Variants in DHRS11 observed in about 807,000 individuals in gnomAD.
DHRS11 encodes the protein dehydrogenase/reductase SDR family member 11.
In DHRS11, 18 loss-of-function variants were observed where a neutral mutation model predicts 30.7. The ratio of observed to expected loss-of-function variants is 0.59; its 90% CI spans 0.41 to 0.87. The LOEUF is 0.87. Among genes scored for constraint, DHRS11 ranks in the 40% least tolerant of loss-of-function variants. DHRS11 has a pLI of 0.00. For synonymous variants in DHRS11, 123 were observed against 139.6 expected (o/e 0.88, Z 0.84); for missense variants, 300 against 349.0 (o/e 0.86, Z 1.12).
At chr17:36,599,939 C>T (rs2074844012) in intron 5 of DHRS11, 33 bp from the exon 6 acceptor site, 1 of 1,611,328 alleles carries the variant, frequency 6.2e-7, no homozygotes, top group South Asian at 1.1e-5. Context: ...TCCATTCTGT[C>T]CTTGTCTCAA....
intron 4 of DHRS11, 154 bp downstream of exon 4, chr17:36,599,204 C>A: frequency 8.7e-7 from 1 of 1,150,388 alleles, no homozygotes; most frequent in Non-Finnish European, 1.2e-6. Context: ...CAGGCATGGC[C>A]CTATGCAGCC....
Position 36,598,940 on chromosome 17 carries a change from T to TTA in DHRS11, c.473_474dup (p.Pro159TyrfsTer5). ...ACCCAGCATGTCTGGCCACCGAGTG[T>TTA]TACCCCTGTCTGTGACCCACTTCTA... On this transcript the variant is annotated frameshift_variant, in exon 4 of 7. Transcript: ENST00000618403. LOFTEE classifies it high-confidence loss of function. 1 of 1,613,396 alleles carries TTA rather than the reference T, an allele frequency of 6.2e-7. No homozygotes were observed. The highest frequency in any genetic ancestry group is 2.2e-5 in the East Asian group (1 of 44,856).
Position 36,598,229 on chromosome 17 carries a change from G to A in DHRS11, c.424G>A (p.Asp142Asn), listed in dbSNP as rs753109449. 2 of 1,614,150 alleles carry A rather than the reference G, an allele frequency of 1.2e-6. No homozygotes were observed. The highest frequency in any genetic ancestry group is 2.2e-5 in the South Asian group (2 of 91,088). ...AYQSMKERNV[D>N]DGHIININSM... is the part of the protein sequence containing the mutation. ...CCAGTCCATGAAGGAGCGGAATGTGGACGATGGGCACATCATTAACATCAA... is the reference window on the plus strand; with the variant it reads ...CCAGTCCATGAAGGAGCGGAATGTGAACGATGGGCACATCATTAACATCAA... Residue 142 changes from aspartate to asparagine, a missense_variant, in exon 3 of 7, where the codon GAC becomes AAC. Physicochemically the swap from Asp to Asn is conservative, Grantham distance 23 (BLOSUM62 1). Coordinates refer to ENST00000618403, the MANE Select transcript of DHRS11 (RefSeq NM_024308.4).
In DHRS11 at chr17:36,600,420, G is replaced by T; in HGVS notation, c.*217G>T. 1 of 624,432 alleles carries T rather than the reference G, an allele frequency of 1.6e-6. No individual in the cohort carries two copies. Among genetic ancestry groups the T allele is most frequent in the Admixed American group, 2.9e-5 (1 of 34,442 alleles). 38.7% of individuals were successfully genotyped at this position (624,432 alleles called of 1,614,324 possible). ...GGGAAAGGAGGTGGTGTCCCTAATT[G>T]TTTTACTTGTTAACTTGTTCTTGTG... On this transcript the variant is annotated 3_prime_UTR_variant, in exon 7 of 7. Coordinates refer to ENST00000618403, the MANE Select transcript of DHRS11 (RefSeq NM_024308.4).
At position 36,598,935 on chromosome 17, in the gene DHRS11, G is replaced by A. The variant is rs550229634; in HGVS notation, c.467G>A (p.Arg156Gln). 1.3e-5 allele frequency: 21 copies of A among 1,612,884 alleles called. No homozygotes were observed. The South Asian group carries it at 1.4e-4, about 11-fold the overall frequency. Reference protein sequence around the residue: ...IININSMSGHRVLPLSVTHFY... With the variant: ...IININSMSGHQVLPLSVTHFY... Reference sequence around the variant, plus strand: ...TCCCCACCCAGCATGTCTGGCCACCGAGTGTTACCCCTGTCTGTGACCCAC... The same window carrying A: ...TCCCCACCCAGCATGTCTGGCCACCAAGTGTTACCCCTGTCTGTGACCCAC... The change falls in exon 4 of 7, where the codon CGA becomes CAA. Residue 156 changes from arginine to glutamine, a missense_variant. By Grantham distance (43) the Arg-to-Gln change is conservative. Transcript: ENST00000618403.
chr17:36,593,563 A>G (rs912915437), intron 1 of DHRS11, among the ~76,000 whole-genome samples: 3 of 152,214 alleles, frequency 2.0e-5, no homozygotes, highest in African/African-American at 7.2e-5. Flanking sequence ...TTAAAGCAGA[A>G]TTTGGGTTCT....
intron 1 of DHRS11, among the ~76,000 whole-genome samples, chr17:36,593,609 G>C (rs1341464421): frequency 2.6e-5 from 4 of 152,198 alleles, no homozygotes; most frequent in South Asian, 2.1e-4. Context: ...TTCCTGAAGT[G>C]ATCAAATGTG....
intron 2 of DHRS11, chr17:36,596,764 G>T: frequency 2.1e-6 from 1 of 470,942 alleles, no homozygotes; most frequent in East Asian, 6.9e-5. Context: ...ATCCTGAGAA[G>T]TTGAAAGCAG....
Position 36,599,207 on chromosome 17 carries a change from A to G in DHRS11, c.582+157A>G, listed in dbSNP as rs992549017. 4 of 1,149,110 alleles carry G rather than the reference A, an allele frequency of 3.5e-6. No homozygotes were observed. The South Asian group carries it at 5.1e-5, about 15-fold the overall frequency. 71.2% of individuals were successfully genotyped at this position (1,149,110 alleles called of 1,614,324 possible). A position where few individuals can be genotyped will look rare whatever the true frequency, so the allele number is the denominator to read the frequency against. ...GTGCTGCTGCTCCAGGCATGGCCCT[A>G]TGCAGCCCTTCATTTCCTCATTTCA... On this transcript the variant is annotated intron_variant, in intron 4 of 6. Transcript: ENST00000618403.
At chr17:36,599,323 C>T (rs1019475156) in intron 4 of DHRS11, 81 of 569,260 alleles carry the variant, frequency 1.4e-4, no homozygotes, top group African/African-American at 1.3e-3. Flanking sequence ...ACCAGGTGCA[C>T]AGTGGCTGGA....
In DHRS11 at chr17:36,600,289, G is replaced by C; in HGVS notation, c.*86G>C. On this transcript the variant is annotated 3_prime_UTR_variant, in exon 7 of 7. Transcript: ENST00000618403. ...TTTAGGTGTTGATTTCTGGATCACG[G>C]GATACCACTTCCTGTCCACACCCCG... 1 of 1,534,012 alleles carries C rather than the reference G, an allele frequency of 6.5e-7. No individual in the cohort carries two copies. Among genetic ancestry groups the C allele is most frequent in the Non-Finnish European group, 9.0e-7 (1 of 1,113,016 alleles).
chr17:36,599,363 G>T, intron 4 of DHRS11: 1 of 552,280 alleles, frequency 1.8e-6, no homozygotes, highest in East Asian at 3.0e-5. Context: ...TCTCTTGAAG[G>T]CCGCATGATC....
intron 1 of DHRS11, 73 bp from the exon 2 acceptor site, chr17:36,594,898 G>A (rs1330689525): frequency 9.8e-6 from 15 of 1,529,218 alleles, no homozygotes; most frequent in Admixed American, 1.7e-5. Flanking sequence ...GACGGGGGTC[G>A]GGGTCTGAGG....
At chr17:36,597,202 C>T (rs777707353) in intron 2 of DHRS11, 27 of 246,780 alleles carry the variant, frequency 1.1e-4, no homozygotes, top group Non-Finnish European at 1.9e-4. Context: ...GGCTGGAAAC[C>T]TCCCTGTCCT....
chr17:36,597,919 C>T lies in DHRS11; in HGVS notation c.358-244C>T, dbSNP rs536600232. 4 of 580,480 alleles carry T rather than the reference C, an allele frequency of 6.9e-6. No homozygotes were observed. In the Admixed American group the frequency reaches 1.2e-4, roughly 18 times the overall value. 36.0% of individuals were successfully genotyped at this position (580,480 alleles called of 1,614,324 possible). ...TTTGAAGGGTTTCCATTCTTGTTTG[C>T]AGGAACTTGGGGGGTCAGCCAGGTG... On this transcript the variant is annotated intron_variant, in intron 2 of 6. Transcript: ENST00000618403.
At position 36,592,087 on chromosome 17, in the gene DHRS11, C is replaced by T; in HGVS notation, c.78C>T (p.Ala26=). ...VTGASGGIGA[A]VARALVQQGL... ...GGGCCTCGGGGGGCATCGGCGCGGC[C>T]GTGGCCCGGGCCCTGGTCCAGCAGG... The change falls in exon 1 of 7, where the codon GCC becomes GCT. Residue 26 remains alanine (A), a synonymous_variant. Coordinates refer to ENST00000618403, the MANE Select transcript of DHRS11 (RefSeq NM_024308.4). The surrounding 1 kb of genome is among the most constrained non-coding windows in gnomAD (Gnocchi z 4.4). 1 of 1,247,846 alleles carries T rather than the reference C, an allele frequency of 8.0e-7. No homozygotes were observed. The allele number at this position is 1,247,846 out of a possible 1,614,324, so 77.3% of individuals were successfully genotyped here.
chr17:36,598,647 A>G, intron 3 of DHRS11: 2 of 526,494 alleles, frequency 3.8e-6, no homozygotes, highest in Admixed American at 3.4e-5. Context: ...CAGTGAACAT[A>G]CAGATTAGAT....
At chr17:36,597,019 ATCTGAG>A (rs2074816131) in intron 2 of DHRS11, 2 of 393,638 alleles carry the variant, frequency 5.1e-6, no homozygotes, top group Admixed American at 3.0e-5. Context: ...CTTGAACATT[ATCTGAG>A]TCTATTAGGA....
rs1244166545 is a variant in DHRS11 at position 36,591,946 on chromosome 17, G to C, written c.-64G>C. The C allele has an allele frequency of 3.1e-5, 38 of 1,219,194 alleles. No individual in the cohort carries two copies. The highest frequency in any genetic ancestry group is 3.9e-5 in the Non-Finnish European group (38 of 979,780). 75.5% of individuals were successfully genotyped at this position (1,219,194 alleles called of 1,614,324 possible). A position where few individuals can be genotyped will look rare whatever the true frequency, so the allele number is the denominator to read the frequency against. On this transcript the variant is annotated 5_prime_UTR_variant, in exon 1 of 7. Transcript: ENST00000618403. ...CGGCGGCGGCGGCAGGAGAGCGGCC[G>C]GGCGTCAGCTCCTCGACCCCCGTGT...
Sources: gnomAD v4.1 joint callset for allele counts (sites outside exome capture counted in the v4.1 genomes callset) on GRCh38, gnomAD v4.1.1 for gene constraint, Gnocchi (gnomAD v3.1) non-coding constraint, MANE v1.5 for transcripts, NCBI Gene and HGNC (gene_info 2026-07-23, HGNC 2026-07-21) for gene names.